Variants in PIGO observed in about 807,000 individuals in gnomAD.
PIGO encodes the protein GPI ethanolamine phosphate transferase 3, catalytic subunit.
PIGO carries 66 observed loss-of-function variants against 86.9 expected under a neutral mutation model. That is an observed-to-expected ratio of 0.76 (90% CI 0.62 to 0.93). The LOEUF (loss-of-function observed/expected upper bound fraction) is 0.93. Ranked by LOEUF, PIGO falls within the 40% of genes least tolerant of loss-of-function variation. The pLI is 0.00. For missense variants in PIGO, 1,202 were observed against 1,359.1 expected, an observed-to-expected ratio of 0.88 and a Z score of 1.82; for synonymous variants, 570 against 556.4, an observed-to-expected ratio of 1.02 and a Z score of -0.34.
In PIGO at chr9:35,093,063, G is replaced by A. The variant is rs1024235075; in HGVS notation, c.1086C>T (p.Ala362=). Residue 362 remains alanine (A), a synonymous_variant, in exon 6 of 11, where the codon GCC becomes GCT. Transcript: ENST00000378617. ...EDSQPHSSAL[A]QASALHLNAQ... ...CATTGAGATGGAGAGCTGAGGCTTG[G>A]GCTAAAGCAGAGGAGTGGGGCTGGG... The A allele has an allele frequency of 6.2e-7, 1 of 1,613,632 alleles. No individual in the cohort carries two copies.
In PIGO at chr9:35,092,017, G is replaced by A. The variant is rs779633008; in HGVS notation, c.1870C>T (p.Leu624Phe). Residue 624 changes from leucine (L) to phenylalanine (F), a missense_variant, in exon 7 of 11, where the codon CTT becomes TTT. By Grantham distance (22) the Leu-to-Phe change is conservative (BLOSUM62 0). Coordinates refer to ENST00000378617, the MANE Select transcript of PIGO (RefSeq NM_032634.4). ...GTACATAAAAGCAACCCAATTCCAA[G>A]CCTCAGGGCATATGCACCATTGTGC... Reference protein sequence around the residue: ...PRHNGAYALRLGIGLLLCTRL... With the variant: ...PRHNGAYALRFGIGLLLCTRL... 3.1e-6 allele frequency: 5 copies of A among 1,614,104 alleles called. No individual in the cohort carries two copies. Among genetic ancestry groups the A allele is most frequent in the Middle Eastern group, 1.6e-4 (1 of 6,084 alleles).
rs138004232 is a variant in PIGO at position 35,094,296 on chromosome 9, T to C, written c.575A>G (p.Lys192Arg). The change falls in exon 3 of 11, where the codon AAA (lysine) becomes AGA (arginine). Residue 192 changes from lysine (K) to arginine (R), a missense_variant. By Grantham distance (26) the Lys-to-Arg change is conservative. Transcript: ENST00000378617. Reference protein sequence around the residue: ...WKDLFPGAFSKAFFFPSFNVR... With the variant: ...WKDLFPGAFSRAFFFPSFNVR... ...ATTGAAGGATGGGAAGAAGAAAGCTTTGGAGAAAGCACCAGGGAAAAGGTC... is the reference window on the plus strand; with the variant it reads ...ATTGAAGGATGGGAAGAAGAAAGCTCTGGAGAAAGCACCAGGGAAAAGGTC... 2.7e-5 allele frequency: 43 copies of C among 1,607,974 alleles called. No homozygotes were observed. Among genetic ancestry groups the C allele is most frequent in the Non-Finnish European group, 3.5e-5 (41 of 1,178,558 alleles).
At position 35,088,867 on chromosome 9, in the gene PIGO, C is replaced by A. The variant is rs938569934; in HGVS notation, c.*225G>T. On this transcript the variant is annotated 3_prime_UTR_variant, in exon 11 of 11. Coordinates refer to ENST00000378617, the MANE Select transcript of PIGO (RefSeq NM_032634.4). ...GCCTATTTTATTCCACTTCGGAGAC[C>A]GCCCCCCTTGTCCCTCAGATGCATC... The A allele has an allele frequency of 9.2e-6, 5 of 546,128 alleles. No individual in the cohort carries two copies. The highest frequency in any genetic ancestry group is 7.6e-5 in the African/African-American group (4 of 52,630). The allele number at this position is 546,128 out of a possible 1,614,324, so 33.8% of individuals were successfully genotyped here.
In PIGO at chr9:35,092,225, C is replaced by G; in HGVS notation, c.1662G>C (p.Leu554=). ...PIPGPVLLLL[L]FRLAVFFSDS... Reference sequence around the variant, plus strand: ...CAGAGAAGAACACAGCCAAGCGAAACAGCAGGAGTAACAGGACGGGCCCAG... The same window carrying G: ...CAGAGAAGAACACAGCCAAGCGAAAGAGCAGGAGTAACAGGACGGGCCCAG... Residue 554 remains leucine, a synonymous_variant, in exon 7 of 11, where the codon CTG becomes CTC. Transcript: ENST00000378617. 3.7e-6 allele frequency: 6 copies of G among 1,614,210 alleles called. No individual in the cohort carries two copies. The highest frequency in any genetic ancestry group is 5.1e-6 in the Non-Finnish European group (6 of 1,180,054).
Position 35,095,540 on chromosome 9 carries a change from AAG to A in PIGO, c.24_25del (p.Phe9ProfsTer30). ...GAAGAGGAAGCAGACCCAGGCCAGG[AAG>A]AGCAACACTGAGGCTTTCTGCATCC... On this transcript the variant is annotated frameshift_variant, in exon 2 of 11. Transcript: ENST00000378617. LOFTEE classifies it high-confidence loss of function. The A allele has an allele frequency of 6.3e-7, 1 of 1,592,900 alleles. No homozygotes were observed. The highest frequency in any genetic ancestry group is 8.6e-7 in the Non-Finnish European group (1 of 1,169,268).
chr9:35,094,308 C>G lies in PIGO; in HGVS notation c.563G>C (p.Gly188Ala). Residue 188 changes from glycine to alanine, a missense_variant, in exon 3 of 11, where the codon GGT becomes GCT. By Grantham distance (60) the Gly-to-Ala change is moderately conservative (BLOSUM62 0). Coordinates refer to ENST00000378617, the MANE Select transcript of PIGO (RefSeq NM_032634.4). ...GAAGAAGAAAGCTTTGGAGAAAGCA[C>G]CAGGGAAAAGGTCTTTCCAGGTATC... ...GDDTWKDLFP[G>A]AFSKAFFFPS... The G allele has an allele frequency of 6.2e-7, 1 of 1,607,584 alleles. No homozygotes were observed. Among genetic ancestry groups the G allele is most frequent in the Non-Finnish European group, 8.5e-7 (1 of 1,178,446 alleles).
chr9:35,089,623 C>A, intron 9 of PIGO, 173 bp from the exon 10 acceptor site: 2 of 1,452,072 alleles, frequency 1.4e-6, no homozygotes, highest in Non-Finnish European at 1.8e-6. Flanking sequence ...CCTGCCCTGC[C>A]CCAAGCACTG....
At chr9:35,095,675 T>A in intron 1 of PIGO, 109 bp from the exon 2 acceptor site, 1 of 1,316,648 alleles carries the variant, frequency 7.6e-7, no homozygotes, top group Non-Finnish European at 1.0e-6. Flanking sequence ...GAAACCTTCC[T>A]GGAGATAAAC....
In PIGO at chr9:35,095,480, A is replaced by C. The variant is rs775148472; in HGVS notation, c.86T>G (p.Leu29Arg). 1 of 1,613,450 alleles carries C rather than the reference A, an allele frequency of 6.2e-7. No homozygotes were observed. The highest frequency in any genetic ancestry group is 8.5e-7 in the Non-Finnish European group (1 of 1,179,758). ...AGIALFTSGF[L>R]LTRLELTNHS... ...GTTGGTGAGCTCCAAACGGGTGAGC[A>C]GGAAGCCACTGGTGAAGAGGGCAAT... The change falls in exon 2 of 11, where the codon CTG becomes CGG. Residue 29 changes from leucine to arginine, a missense_variant. Transcript: ENST00000378617.
intron 9 of PIGO, 191 bp from the exon 10 acceptor site, chr9:35,089,641 A>G (rs1055623776): frequency 3.5e-6 from 5 of 1,441,700 alleles, no homozygotes; most frequent in African/African-American, 1.4e-5. Context: ...CTGACTCACT[A>G]TGTGACTTTG....
intron 9 of PIGO, chr9:35,089,817 TAGAGTAATC>T: frequency 7.1e-7 from 1 of 1,402,852 alleles, no homozygotes; most frequent in Non-Finnish European, 9.2e-7. Context: ...TGTCCACTGA[TAGAGTAATC>T]CTCAAATGCA....
chr9:35,094,191 C>G (rs1395260343), intron 3 of PIGO, 25 bp downstream of exon 3: 1 of 1,580,206 alleles, frequency 6.3e-7, no homozygotes, highest in African/African-American at 1.4e-5. Flanking sequence ...AGTCTTAGAA[C>G]TAAGTGCTCT....
chr9:35,095,416 C>G lies in PIGO; in HGVS notation c.150G>C (p.Leu50=), dbSNP rs766585892. 6.2e-7 allele frequency: 1 copy of G among 1,614,110 alleles called. No individual in the cohort carries two copies. Among genetic ancestry groups the G allele is most frequent in the South Asian group, 1.1e-5 (1 of 91,088 alleles). Residue 50 remains leucine (L), a synonymous_variant, in exon 2 of 11, where the codon CTG becomes CTC. Transcript: ENST00000378617. Reference sequence around the variant, plus strand: ...CAGGTTTCCCTTGGCTCCCCCATGGCAGGGACCCAGGGCCTGGGGGCTCTT... The same window carrying G: ...CAGGTTTCCCTTGGCTCCCCCATGGGAGGGACCCAGGGCCTGGGGGCTCTT... ...SCQEPPGPGS[L]PWGSQGKPGA... is the part of the protein sequence containing the mutation.
At chr9:35,094,397 ACGT>A (rs1261027113) in intron 2 of PIGO, 38 bp from the exon 3 acceptor site, 11 of 1,580,908 alleles carry the variant, frequency 7.0e-6, no homozygotes, top group Admixed American at 4.1e-5. Context: ...GCCTGAGCAA[ACGT>A]CAGGGTTAGG....
Position 35,095,517 on chromosome 9 carries a change from A to G in PIGO, c.49T>C (p.Phe17Leu). 1.2e-6 allele frequency: 2 copies of G among 1,606,224 alleles called. No individual in the cohort carries two copies. The highest frequency in any genetic ancestry group is 1.7e-6 in the Non-Finnish European group (2 of 1,175,632). ...LLFLAWVCFL[F>L]YAGIALFTSG... Reference sequence around the variant, plus strand: ...GTGAAGAGGGCAATGCCAGCGTAGAAGAGGAAGCAGACCCAGGCCAGGAAG... The same window carrying G: ...GTGAAGAGGGCAATGCCAGCGTAGAGGAGGAAGCAGACCCAGGCCAGGAAG... Residue 17 changes from phenylalanine to leucine, a missense_variant, in exon 2 of 11, where the codon TTC (phenylalanine) becomes CTC (leucine). Transcript: ENST00000378617.
At position 35,089,023 on chromosome 9, in the gene PIGO, C is replaced by A; in HGVS notation, c.*69G>T. 6.3e-7 allele frequency: 1 copy of A among 1,599,842 alleles called. No homozygotes were observed. The highest frequency in any genetic ancestry group is 8.5e-7 in the Non-Finnish European group (1 of 1,172,078). ...AGCCTGTCTTGCAGATCATCCAGTA[C>A]CTGTACAGGCCAGGCTACACTGTTC... On this transcript the variant is annotated 3_prime_UTR_variant, in exon 11 of 11. Transcript: ENST00000378617.
rs1057518551 is a variant in PIGO at position 35,095,154 on chromosome 9, G to A, written c.412C>T (p.Leu138Phe). The change falls in exon 2 of 11, where the codon CTC becomes TTC. Residue 138 changes from leucine to phenylalanine, a missense_variant. By Grantham distance (22) the Leu-to-Phe change is conservative. Coordinates refer to ENST00000378617, the MANE Select transcript of PIGO (RefSeq NM_032634.4). The stretch of plus-strand genomic sequence containing the variant: ...AAGGTAGGCAGTGAGCCAGTGGTGA[G>A]GGCCTTGAGGCGCTGCATGGTGGTG... Reference protein sequence around the residue: ...PTTTMQRLKALTTGSLPTFID... With the variant: ...PTTTMQRLKAFTTGSLPTFID... The A allele has an allele frequency of 6.2e-7, 1 of 1,614,236 alleles. No homozygotes were observed.
At position 35,092,869 on chromosome 9, in the gene PIGO, G is replaced by A. The variant is rs956860855; in HGVS notation, c.1120-102C>T. On this transcript the variant is annotated intron_variant, in intron 6 of 10. Transcript: ENST00000378617. ...CAAAAGGGGGTACCTGGAAGTCAAG[G>A]ACCCAAACTCTGTCCAGAATCGGGG... The A allele has an allele frequency of 1.0e-5, 14 of 1,381,438 alleles. No individual in the cohort carries two copies. The Middle Eastern group carries it at 1.1e-3, about 104-fold the overall frequency. The allele number at this position is 1,381,438 out of a possible 1,614,324, so 85.6% of individuals were successfully genotyped here. A position where few individuals can be genotyped will look rare whatever the true frequency, so the allele number is the denominator to read the frequency against.
At chr9:35,089,245 C>T (rs751296863) in intron 10 of PIGO, 24 bp from the exon 11 acceptor site, 1 of 1,614,172 alleles carries the variant, frequency 6.2e-7, no homozygotes, top group Admixed American at 1.7e-5. Flanking sequence ...CGGAGAATCT[C>T]AGGCAACAGA....
Sources: allele counts gnomAD v4.1 joint callset, GRCh38; gene constraint gnomAD v4.1.1; transcripts MANE v1.5; gene names NCBI Gene and HGNC (gene_info 2026-07-23, HGNC 2026-07-21).